Variants in IFT81 observed in about 807,000 individuals in gnomAD.
IFT81 encodes intraflagellar transport 81.
A neutral mutation model predicts 102.6 loss-of-function variants in IFT81; 72 were observed. The observed-to-expected ratio is 0.70, with a 90% CI of 0.58 to 0.85. The LOEUF (loss-of-function observed/expected upper bound fraction) is 0.85, where lower values mean the gene tolerates loss of function less well. Ranked by LOEUF, IFT81 falls within the 40% of genes least tolerant of loss-of-function variation. The pLI is 0.00. For synonymous variants in IFT81, 237 were observed against 242.7 expected, an observed-to-expected ratio of 0.98 and a Z score of 0.22; for missense variants, 723 against 787.3, an observed-to-expected ratio of 0.92 and a Z score of 0.98.
intron 11 of IFT81, among the ~76,000 whole-genome samples, chr12:110,165,249 T>C (rs1896372210): frequency 1.3e-5 from 2 of 152,194 alleles, no homozygotes; most frequent in African/African-American, 4.8e-5. Flanking sequence ...TTAAGCATAA[T>C]TTTATAAAGA....
At chr12:110,178,201 G>A (rs992023467) in intron 11 of IFT81, among the ~76,000 whole-genome samples, 7 of 148,668 alleles carry the variant, frequency 4.7e-5, no homozygotes, top group Admixed American at 7.0e-5. Context: ...ATGACCTGAC[G>A]TCAGGAGTTC....
At chr12:110,177,816 C>T (rs557863845) in intron 11 of IFT81, among the ~76,000 whole-genome samples, 17 of 152,098 alleles carry the variant, frequency 1.1e-4, no homozygotes, top group Admixed American at 7.9e-4. Context: ...AAGGAAAAGC[C>T]GGGCGCAGTG....
intron 10 of IFT81, among the ~76,000 whole-genome samples, chr12:110,157,766 T>G (rs758884165): frequency 6.6e-5 from 10 of 152,234 alleles, no homozygotes; most frequent in Admixed American, 1.3e-4. Context: ...TTGTCCTGTC[T>G]TCAAGTTCAT....
intron 14 of IFT81, among the ~76,000 whole-genome samples, chr12:110,197,248 G>C (rs79791672): frequency 6.8e-6 from 1 of 147,044 alleles, no homozygotes; most frequent in African/African-American, 2.5e-5. Context: ...AGGTAGGTAG[G>C]TAGATAGATA....
chr12:110,188,977 C>T (rs1897675015), intron 12 of IFT81, among the ~76,000 whole-genome samples: 1 of 151,972 alleles, frequency 6.6e-6, no homozygotes, highest in Admixed American at 6.6e-5. Flanking sequence ...TTCACATTGC[C>T]AAATCCAATG....
intron 10 of IFT81, among the ~76,000 whole-genome samples, chr12:110,153,296 G>A (rs958011326): frequency 6.6e-6 from 1 of 152,152 alleles, no homozygotes; most frequent in East Asian, 1.9e-4. Context: ...GTGCAATGGC[G>A]TGATCTCGGC....
chr12:110,159,459 C>CA (rs34796968), intron 10 of IFT81, among the ~76,000 whole-genome samples: 1 of 152,084 alleles, frequency 6.6e-6, no homozygotes, highest in Non-Finnish European at 1.5e-5. Flanking sequence ...GATCCTGTCT[C>CA]AAAAAAATCT....
chr12:110,213,945 C>T (rs1386166171), intron 18 of IFT81, among the ~76,000 whole-genome samples: 2 of 152,004 alleles, frequency 1.3e-5, no homozygotes, highest in African/African-American at 4.8e-5. Context: ...TCATACTGTA[C>T]ATTTTCTGTC....
chr12:110,142,263 G>T (rs1566112727), intron 8 of IFT81, among the ~76,000 whole-genome samples: 1 of 152,054 alleles, frequency 6.6e-6, no homozygotes, highest in Non-Finnish European at 1.5e-5. Flanking sequence ...TTCCTCCCAG[G>T]TTCAAGCGAT....
chr12:110,163,679 G>A (rs1176777910), intron 11 of IFT81, among the ~76,000 whole-genome samples: 2 of 149,412 alleles, frequency 1.3e-5, no homozygotes, highest in Admixed American at 6.7e-5. Flanking sequence ...GCAGTGGCGC[G>A]ATCTTGGCTC....
chr12:110,190,864 A>G lies in IFT81; in HGVS notation c.1339-56A>G, dbSNP rs1897761873. Reference sequence around the variant, plus strand: ...TATGTATGAAATTTGTACATTTCTTATGGGAGCCAGCAAGATTTTGACATG... The same window carrying G: ...TATGTATGAAATTTGTACATTTCTTGTGGGAGCCAGCAAGATTTTGACATG... On this transcript the variant is annotated intron_variant, in intron 12 of 18. Coordinates refer to ENST00000242591, the MANE Select transcript of IFT81 (RefSeq NM_014055.4). The G allele has an allele frequency of 7.6e-6, 11 of 1,439,326 alleles. No individual in the cohort carries two copies. In the South Asian group the frequency reaches 1.6e-4, roughly 21 times the overall value. The allele number at this position is 1,439,326 out of a possible 1,614,324, so 89.2% of individuals were successfully genotyped here.
chr12:110,148,420 T>C (rs1423522664), intron 10 of IFT81, among the ~76,000 whole-genome samples: 1 of 152,102 alleles, frequency 6.6e-6, no homozygotes, highest in Non-Finnish European at 1.5e-5. Flanking sequence ...TCCATTAATT[T>C]TATTATAAAT....
At chr12:110,173,373 C>T (rs1294562147) in intron 11 of IFT81, among the ~76,000 whole-genome samples, 1 of 151,114 alleles carries the variant, frequency 6.6e-6, no homozygotes, top group East Asian at 2.0e-4. Context: ...CCAGCCGCCT[C>T]GTCCGGGAGG....
chr12:110,172,404 C>T (rs1896783054), intron 11 of IFT81, among the ~76,000 whole-genome samples: 1 of 152,140 alleles, frequency 6.6e-6, no homozygotes, highest in South Asian at 2.1e-4. Context: ...GTCTCCCTCT[C>T]CCTCTCTTTC....
intron 3 of IFT81, among the ~76,000 whole-genome samples, chr12:110,128,409 G>A (rs1005683519): frequency 2.7e-5 from 4 of 149,206 alleles, no homozygotes; most frequent in Admixed American, 2.1e-4. Flanking sequence ...GATAAAAACA[G>A]CTTAAACACA....
In IFT81 at chr12:110,129,075, T is replaced by C; in HGVS notation, c.374T>C (p.Leu125Pro). The C allele has an allele frequency of 6.2e-7, 1 of 1,607,502 alleles. No individual in the cohort carries two copies. The highest frequency in any genetic ancestry group is 8.5e-7 in the Non-Finnish European group (1 of 1,178,370). Residue 125 changes from leucine to proline, a missense_variant, in exon 4 of 19, where the codon CTT becomes CCT. Coordinates refer to ENST00000242591, the MANE Select transcript of IFT81 (RefSeq NM_014055.4). ...RAYLARFLIKLEVPSEFLQDE... is the reference protein window; with the variant it reads ...RAYLARFLIKPEVPSEFLQDE... ...TATTTAGCTCGTTTTTTAATAAAAC[T>C]TGAGGTACCAAGTGAGTTTCTTCAG...
At position 110,179,842 on chromosome 12, in the gene IFT81, A is replaced by AAT. The variant is rs886790382; in HGVS notation, c.1189-568_1189-567dup. On this transcript the variant is annotated intron_variant, in intron 11 of 18. Transcript: ENST00000242591. ...ATACATATATTAAACATATACACATAATATATATATATAATATATGTACAT... is the reference window on the plus strand; with the variant it reads ...ATACATATATTAAACATATACACATAATATATATATATATAATATATGTACAT... Among the ~76,000 whole-genome samples, 774 of 141,748 alleles carry AAT rather than the reference A, an allele frequency of 5.5e-3. 12 individuals carry two copies. Among genetic ancestry groups the AAT allele is most frequent in the African/African-American group, 0.017 (690 of 39,664 alleles). 93.0% of individuals were successfully genotyped at this position (141,748 alleles called of 152,430 possible).
intron 11 of IFT81, among the ~76,000 whole-genome samples, chr12:110,164,735 C>A (rs1051019668): frequency 5.9e-5 from 9 of 152,106 alleles, no homozygotes; most frequent in African/African-American, 2.2e-4. Flanking sequence ...CTTTTAACAT[C>A]CACTTCCAAA....
chr12:110,153,578 G>A (rs1041104616), intron 10 of IFT81, among the ~76,000 whole-genome samples: 2 of 147,384 alleles, frequency 1.4e-5, no homozygotes, highest in Non-Finnish European at 3.0e-5. Context: ...ATTCACCAGT[G>A]AGGACATCAG....
Sources: gnomAD v4.1 joint callset for allele counts (sites outside exome capture counted in the v4.1 genomes callset) on GRCh38, gnomAD v4.1.1 for gene constraint, MANE v1.5 for transcripts, NCBI Gene and HGNC (gene_info 2026-07-23, HGNC 2026-07-21) for gene names.